The following MAST4 variants were observed in gnomAD, a reference collection of about 807,000 sequenced individuals.
MAST4 encodes the protein microtubule associated serine/threonine kinase family member 4, also known as microtubule-associated serine/threonine-protein kinase 4.
In MAST4, 89 loss-of-function variants were observed where a neutral mutation model predicts 162.7. The observed-to-expected ratio is 0.55, with a 90% CI of 0.46 to 0.65. MAST4 has a LOEUF of 0.65. Among genes scored for constraint, MAST4 ranks in the 30% least tolerant of loss-of-function variants. MAST4 has a pLI of 0.00. For synonymous variants in MAST4, 1,479 were observed against 1,361.1 expected (o/e 1.09, Z -1.91); for missense variants, 3,153 against 3,374.0 (o/e 0.93, Z 1.62).
intron 1 of MAST4, among the ~76,000 whole-genome samples, chr5:66,744,943 A>G (rs1418865407): frequency 6.6e-6 from 1 of 152,192 alleles, no homozygotes; most frequent in Non-Finnish European, 1.5e-5. Context: ...CAGGTCAACA[A>G]TTGATTGTTT....
chr5:66,648,595 C>G (rs989045043), intron 1 of MAST4, among the ~76,000 whole-genome samples: 1 of 151,862 alleles, frequency 6.6e-6, no homozygotes, highest in Non-Finnish European at 1.5e-5. Context: ...AAGAAAATGG[C>G]CTTATTAATT....
At chr5:67,076,010 G>A (rs1761601805) in intron 5 of MAST4, among the ~76,000 whole-genome samples, 1 of 152,050 alleles carries the variant, frequency 6.6e-6, no homozygotes, top group Non-Finnish European at 1.5e-5. Flanking sequence ...ACTCAGGCCT[G>A]ACACCATCCC....
At chr5:67,082,005 C>T (rs1762708832) in intron 5 of MAST4, among the ~76,000 whole-genome samples, 1 of 152,116 alleles carries the variant, frequency 6.6e-6, no homozygotes, top group Non-Finnish European at 1.5e-5. Context: ...TCTCATGTAC[C>T]TCTGGATATG....
chr5:66,992,629 T>C (rs565319402), intron 4 of MAST4, among the ~76,000 whole-genome samples: 2 of 152,332 alleles, frequency 1.3e-5, no homozygotes, highest in East Asian at 3.9e-4. Flanking sequence ...TTAGGTGAGA[T>C]TGATTGTCTG....
Position 66,788,716 on chromosome 5 carries a change from C to A in MAST4, c.564C>A (p.Ala188=). 6.2e-7 allele frequency: 1 copy of A among 1,613,678 alleles called. No homozygotes were observed. Among genetic ancestry groups the A allele is most frequent in the Non-Finnish European group, 8.5e-7 (1 of 1,179,660 alleles). Residue 188 remains alanine (A), a synonymous_variant, in exon 3 of 29, where the codon GCC becomes GCA. Transcript: ENST00000403625. Reference sequence around the variant, plus strand: ...CGGTGGCGGGACAGGCCTGGCCGGCCTCTGCAGAGACGTCCAACCTCGTGC... The same window carrying A: ...CGGTGGCGGGACAGGCCTGGCCGGCATCTGCAGAGACGTCCAACCTCGTGC... The part of the protein sequence containing the change: ...PNPVAGQAWP[A]SAETSNLVRM...
chr5:66,623,071 T>A (rs10068139), intron 1 of MAST4: 29,723 of 152,118 alleles, frequency 0.2, 3,008 homozygotes, highest in Non-Finnish European at 0.22. Context: ...ATGACCCAGA[T>A]CCTTTGGGTG....
intron 3 of MAST4, among the ~76,000 whole-genome samples, chr5:66,885,570 G>T (rs181447899): frequency 3.9e-5 from 6 of 152,184 alleles, no homozygotes; most frequent in African/African-American, 1.4e-4. Flanking sequence ...TTTGTAAGAA[G>T]TTTGTTTTTC....
Position 67,165,590 on chromosome 5 carries a change from T to C in MAST4, c.6411T>C (p.Pro2137=), listed in dbSNP as rs1235058597. 6 of 1,613,672 alleles carry C rather than the reference T, an allele frequency of 3.7e-6. No individual in the cohort carries two copies. The East Asian group carries it at 1.3e-4, about 36-fold the overall frequency. ...QRHPSSIPPP[P]LTAKDLSSPA... is the part of the protein sequence containing the mutation. ...ATCCCAGCAGCATCCCTCCGCCCCC[T>C]CTGACGGCCAAAGACCTGTCCAGCC... The change falls in exon 29 of 29, where the codon CCT becomes CCC. Residue 2137 remains proline, a synonymous_variant. Coordinates refer to ENST00000403625, the MANE Select transcript of MAST4 (RefSeq NM_001164664.2).
chr5:66,854,685 C>T (rs1018237723), intron 3 of MAST4, among the ~76,000 whole-genome samples: 2 of 152,062 alleles, frequency 1.3e-5, no homozygotes, highest in East Asian at 1.9e-4. Flanking sequence ...TGGGAAGTGA[C>T]ACCTCCTCAC....
chr5:66,732,315 T>C (rs548687647), intron 1 of MAST4, among the ~76,000 whole-genome samples: 1 of 152,210 alleles, frequency 6.6e-6, no homozygotes, highest in African/African-American at 2.4e-5. Flanking sequence ...CCCCCAAGCC[T>C]CATTTTCTGG....
intron 1 of MAST4, among the ~76,000 whole-genome samples, chr5:66,750,278 T>G (rs1753052349): frequency 6.6e-6 from 1 of 152,170 alleles, no homozygotes; most frequent in Non-Finnish European, 1.5e-5. Context: ...TTAAAATGCA[T>G]GTGCTGAGGG....
intron 1 of MAST4, among the ~76,000 whole-genome samples, chr5:66,600,132 A>G (rs973885071): frequency 1.3e-5 from 2 of 152,242 alleles, no homozygotes; most frequent in African/African-American, 4.8e-5. Flanking sequence ...AGTCTCACAC[A>G]CTTAAGTCTA....
intron 8 of MAST4, among the ~76,000 whole-genome samples, chr5:67,101,061 C>T (rs539167610): frequency 6.6e-6 from 1 of 152,230 alleles, no homozygotes; most frequent in South Asian, 2.1e-4. Flanking sequence ...TTTGTGTCAC[C>T]TGAAGTTTGT....
At chr5:66,807,621 C>G (rs1374354670) in intron 3 of MAST4, among the ~76,000 whole-genome samples, 1 of 152,194 alleles carries the variant, frequency 6.6e-6, no homozygotes, top group Non-Finnish European at 1.5e-5. Context: ...ACTGTTCCCA[C>G]ATTTGATCTC....
chr5:67,015,426 G>A (rs774278199), intron 4 of MAST4, among the ~76,000 whole-genome samples: 9 of 152,174 alleles, frequency 5.9e-5, no homozygotes, highest in Non-Finnish European at 1.2e-4. Context: ...AAACTAACAT[G>A]TTTGGAGGGG....
chr5:66,777,259 A>G (rs1334702527), intron 2 of MAST4, among the ~76,000 whole-genome samples: 1 of 152,206 alleles, frequency 6.6e-6, no homozygotes, highest in Admixed American at 6.5e-5. Context: ...ATTTGATCTA[A>G]TCCGAAGATG....
Position 66,930,667 on chromosome 5 carries a change from G to A in MAST4, c.674+30685G>A, listed in dbSNP as rs1742093651. On this transcript the variant is annotated intron_variant, in intron 4 of 28. Coordinates refer to ENST00000403625, the MANE Select transcript of MAST4 (RefSeq NM_001164664.2). ...CCTGACAATATATATTTGACCCTTT[G>A]ACATGCTTTCAGGAATGTGTGAAGC... 1.2e-4 allele frequency: 58 copies of A among 468,210 alleles called. 1 individual carries two copies. The highest frequency in any genetic ancestry group is 8.6e-4 in the South Asian group (55 of 63,856). 29.0% of individuals were successfully genotyped at this position (468,210 alleles called of 1,614,324 possible).
intron 5 of MAST4, among the ~76,000 whole-genome samples, chr5:67,055,997 G>T (rs1758759641): frequency 8.1e-6 from 1 of 123,248 alleles, no homozygotes. Flanking sequence ...ATTTTGTTTA[G>T]GGATATATAT....
In MAST4 at chr5:67,165,169, C is replaced by T. The variant is rs769694618; in HGVS notation, c.5990C>T (p.Ser1997Phe). The T allele has an allele frequency of 7.5e-6, 12 of 1,602,598 alleles. No individual in the cohort carries two copies. Among genetic ancestry groups the T allele is most frequent in the Admixed American group, 1.7e-5 (1 of 57,924 alleles). ...AGGGCTGACACATGCAGAGAGCCCTCCATGGAACTGTGCTTTCCAGAAACT... is the reference window on the plus strand; with the variant it reads ...AGGGCTGACACATGCAGAGAGCCCTTCATGGAACTGTGCTTTCCAGAAACT... Reference protein sequence around the residue: ...AARADTCREPSMELCFPETAK... With the variant: ...AARADTCREPFMELCFPETAK... The change falls in exon 29 of 29, where the codon TCC becomes TTC. Residue 1997 changes from serine to phenylalanine, a missense_variant. Transcript: ENST00000403625.
Sources: gnomAD v4.1 joint callset for allele counts (sites outside exome capture counted in the v4.1 genomes callset) on GRCh38, gnomAD v4.1.1 for gene constraint, MANE v1.5 for transcripts, NCBI Gene and HGNC (gene_info 2026-07-23, HGNC 2026-07-21) for gene names.